Variants in ZNF469 observed in about 807,000 individuals in gnomAD.
The protein encoded by ZNF469 is zinc finger protein 469.
A neutral mutation model predicts 1.0 loss-of-function variants in ZNF469; 1 was observed. That is an observed-to-expected ratio of 1.00 (90% confidence interval 0.35 to 4.73). ZNF469 has a LOEUF of 4.73. ZNF469 is among the 30% of genes most tolerant of loss of function. ZNF469 has a pLI of 0.16. For missense variants in ZNF469, 6,100 were observed against 5,356.3 expected, an observed-to-expected ratio of 1.14 and a Z score of -4.33; for synonymous variants, 2,703 against 2,363.4, an observed-to-expected ratio of 1.14 and a Z score of -4.17.
chr16:88,248,013 G>T, the ZNF469 span, among the ~76,000 whole-genome samples: 2 of 152,186 alleles, frequency 1.3e-5, no homozygotes, highest in Non-Finnish European at 2.9e-5. Context: ...AGAGCAGCCA[G>T]CCTCAACCAA....
chr16:88,131,292 A>G, the ZNF469 span, among the ~76,000 whole-genome samples: 3 of 152,230 alleles, frequency 2.0e-5, no homozygotes. Flanking sequence ...ACGAAACAAA[A>G]GAAGTCAAAA....
At position 88,406,737 on chromosome 16, in the gene ZNF469, G is replaced by C. The variant is rs8048775; in HGVS notation, c.-191-18070G>C. Among the ~76,000 whole-genome samples, 592 of 152,302 alleles carry C rather than the reference G, an allele frequency of 3.9e-3. 4 individuals carry two copies. Among genetic ancestry groups the C allele is most frequent in the African/African-American group, 0.014 (565 of 41,568 alleles). ...GCTACAGAGTCCTCTCTGTGTGTGT[G>C]CGCCTGGGCATAGAGGTGGCTTTTC... On this transcript the variant is annotated intron_variant, in intron 1 of 2. Transcript: ENST00000565624.
the ZNF469 span, among the ~76,000 whole-genome samples, chr16:88,372,102 CATCACCATCACCACCAT>C: frequency 1.3e-3 from 57 of 44,474 alleles, 1 homozygote; most frequent in East Asian, 0.012. Context: ...TCACCACCAT[CATCACCATCACCACCAT>C]CATCACCATC....
In ZNF469 at chr16:88,435,065, G is replaced by T. The variant is rs553909579; in HGVS notation, c.7595G>T (p.Arg2532Met). The change falls in exon 3 of 3, where the codon AGG (arginine) becomes ATG (methionine). Residue 2532 changes from arginine to methionine, a missense_variant. Arg to Met is a moderately conservative substitution (Grantham distance 91). Transcript: ENST00000565624. Reference protein sequence around the residue: ...KCQPPRKKSHRVSGKERPNHS... With the variant: ...KCQPPRKKSHMVSGKERPNHS... ...CAGCCGCCCAGGAAGAAAAGCCACA[G>T]GGTGTCTGGGAAGGAGAGACCAAAT... 224 of 1,550,394 alleles carry T rather than the reference G, an allele frequency of 1.4e-4. No homozygotes were observed. In the South Asian group the frequency reaches 2.5e-3, roughly 17 times the overall value.
chr16:88,118,567 G>A, the ZNF469 span, among the ~76,000 whole-genome samples: 12 of 152,320 alleles, frequency 7.9e-5, no homozygotes, highest in African/African-American at 1.4e-4. Context: ...GTGATGGCGC[G>A]CAGGGGTCAG....
Position 88,438,219 on chromosome 16 carries a change from C to T in ZNF469, c.10749C>T (p.Ser3583=), listed in dbSNP as rs1392185183. The change falls in exon 3 of 3, where the codon TCC becomes TCT. Residue 3583 remains serine (S), a synonymous_variant. Coordinates refer to ENST00000565624, the MANE Select transcript of ZNF469 (RefSeq NM_001367624.2). ...GALERPENEA[S]PGSPGPLLQQ... is the part of the protein sequence containing the mutation. ...TGGAGAGGCCAGAGAACGAGGCTTC[C>T]CCAGGCAGCCCCGGGCCTCTTCTCC... 2 of 1,546,762 alleles carry T rather than the reference C, an allele frequency of 1.3e-6. No individual in the cohort carries two copies. The highest frequency in any genetic ancestry group is 2.4e-5 in the South Asian group (2 of 83,934).
chr16:88,193,901 A>G, the ZNF469 span, among the ~76,000 whole-genome samples: 164 of 152,234 alleles, frequency 1.1e-3, 1 homozygote, highest in African/African-American at 3.7e-3. Context: ...GGCCTTTTAT[A>G]AAGCACTCAT....
At chr16:88,161,324 A>T in the ZNF469 span, among the ~76,000 whole-genome samples, 1 of 152,014 alleles carries the variant, frequency 6.6e-6, no homozygotes, top group Non-Finnish European at 1.5e-5. Context: ...TTCTCCCTAA[A>T]CGGCGACGAT....
the ZNF469 span, among the ~76,000 whole-genome samples, chr16:88,332,808 C>G: frequency 0.31 from 47,628 of 152,144 alleles, 7,895 homozygotes; most frequent in Non-Finnish European, 0.37. Context: ...CAAGACTCCA[C>G]ACAAGCAGCC....
At chr16:88,283,773 G>A in the ZNF469 span, among the ~76,000 whole-genome samples, 1 of 151,974 alleles carries the variant, frequency 6.6e-6, no homozygotes, top group African/African-American at 2.4e-5. Context: ...GTCTGCCCGA[G>A]GTCTGCGGAG....
the ZNF469 span, among the ~76,000 whole-genome samples, chr16:88,162,363 C>CAAA: frequency 1.6e-5 from 2 of 124,110 alleles, no homozygotes; most frequent in African/African-American, 5.9e-5. Context: ...AGACATTCTT[C>CAAA]AAAAAAAAAA....
the ZNF469 span, among the ~76,000 whole-genome samples, chr16:88,358,265 C>T: frequency 1.3e-5 from 2 of 152,328 alleles, no homozygotes; most frequent in Admixed American, 1.3e-4. Flanking sequence ...GACCTCAGAC[C>T]CCCACCACGG....
the ZNF469 span, among the ~76,000 whole-genome samples, chr16:88,135,428 G>A: frequency 3.3e-5 from 5 of 152,360 alleles, no homozygotes; most frequent in Admixed American, 1.3e-4. Flanking sequence ...ACTCCAGATG[G>A]ACGAGGTTGG....
chr16:88,129,646 G>C, the ZNF469 span, among the ~76,000 whole-genome samples: 2 of 152,164 alleles, frequency 1.3e-5, no homozygotes, highest in Non-Finnish European at 2.9e-5. Flanking sequence ...TTGAGCCCAA[G>C]ATTTTGAGAC....
chr16:88,260,703 C>G, the ZNF469 span, among the ~76,000 whole-genome samples: 4,472 of 152,220 alleles, frequency 0.029, 172 homozygotes, highest in African/African-American at 0.1. The surrounding 1 kb of genome is among the most constrained non-coding windows in gnomAD (Gnocchi z 4.1). Context: ...TCAAACCCAT[C>G]TGTACTGGCC....
chr16:88,204,423 C>T, the ZNF469 span, among the ~76,000 whole-genome samples: 2 of 152,300 alleles, frequency 1.3e-5, no homozygotes, highest in South Asian at 2.1e-4. Context: ...AGGAGAGATT[C>T]TGGGAAGCCC....
At chr16:88,185,695 GCA>G in the ZNF469 span, among the ~76,000 whole-genome samples, 1 of 105,476 alleles carries the variant, frequency 9.5e-6, no homozygotes, top group East Asian at 2.7e-4. Flanking sequence ...AGACACATTC[GCA>G]CACTCACACA....
At chr16:88,182,093 A>G in the ZNF469 span, among the ~76,000 whole-genome samples, 1 of 152,258 alleles carries the variant, frequency 6.6e-6, no homozygotes, top group East Asian at 1.9e-4. Context: ...AGCAGTGGAC[A>G]ATAGGAAATT....
chr16:88,184,150 C>G, the ZNF469 span, among the ~76,000 whole-genome samples: 33 of 152,208 alleles, frequency 2.2e-4, no homozygotes, highest in African/African-American at 7.2e-4. Context: ...AGACGACCCT[C>G]ACATCCCAGG....
Sources: gnomAD v4.1 joint callset for allele counts (sites outside exome capture counted in the v4.1 genomes callset) on GRCh38, gnomAD v4.1.1 for gene constraint, Gnocchi (gnomAD v3.1) non-coding constraint, MANE v1.5 for transcripts, NCBI Gene and HGNC (gene_info 2026-07-23, HGNC 2026-07-21) for gene names.